Variants in TNKS observed in about 807,000 individuals in gnomAD.
TNKS encodes the protein tankyrase.
A neutral mutation model predicts 135.8 loss-of-function variants in TNKS; 72 were observed. That is an observed-to-expected ratio of 0.53 (90% CI 0.44 to 0.64). TNKS has a LOEUF of 0.64. Among genes scored for constraint, TNKS ranks in the 30% least tolerant of loss-of-function variants. The pLI is 0.00. For missense variants in TNKS, 1,769 were observed against 1,674.0 expected (o/e 1.06, Z -0.99); for synonymous variants, 849 against 649.3 (o/e 1.31, Z -4.68).
intron 3 of TNKS, among the ~76,000 whole-genome samples, chr8:9,660,568 G>C (rs1396882566): frequency 3.3e-5 from 5 of 152,248 alleles, no homozygotes; most frequent in South Asian, 2.1e-4. Flanking sequence ...ATTAAATTAG[G>C]TATTGATGGG....
chr8:9,591,715 C>T (rs573854027), intron 2 of TNKS, among the ~76,000 whole-genome samples: 3 of 152,144 alleles, frequency 2.0e-5, no homozygotes, highest in African/African-American at 7.2e-5. Flanking sequence ...CTTTGCTTTT[C>T]GTTTTCTTAA....
At chr8:9,763,311 A>G (rs1807249389) in intron 22 of TNKS, 67 bp downstream of exon 22, 1 of 1,109,604 alleles carries the variant, frequency 9.0e-7, no homozygotes, top group Non-Finnish European at 1.3e-6. Flanking sequence ...TTTTTCTGGA[A>G]TTAACCTCGT....
intron 17 of TNKS, among the ~76,000 whole-genome samples, chr8:9,742,607 C>G (rs1006693626): frequency 2.0e-5 from 3 of 151,500 alleles, no homozygotes; most frequent in Non-Finnish European, 4.4e-5. Context: ...TCTGCAATCT[C>G]AGCACGTTGG....
intron 2 of TNKS, among the ~76,000 whole-genome samples, chr8:9,603,998 AAAG>A (rs1472731455): frequency 6.6e-6 from 1 of 152,100 alleles, no homozygotes; most frequent in South Asian, 2.1e-4. Context: ...AGGATTCTAA[AAAG>A]AAATAAAAAG....
intron 11 of TNKS, among the ~76,000 whole-genome samples, chr8:9,711,535 G>A (rs1026613594): frequency 3.3e-5 from 5 of 152,174 alleles, no homozygotes; most frequent in Admixed American, 2.0e-4. Context: ...CTTTTATAGT[G>A]TAAAAAGGTG....
In TNKS at chr8:9,710,275, C is replaced by A. The variant is rs766043640; in HGVS notation, c.1749+55C>A. ...ACTCAGCACTGAGCAGCCAGCTGCT[C>A]TTAACACTGCTTCTCTCTCTCCGAT... On this transcript the variant is annotated intron_variant, in intron 11 of 26. Coordinates refer to ENST00000310430, the MANE Select transcript of TNKS (RefSeq NM_003747.3). 3.3e-6 allele frequency: 5 copies of A among 1,501,974 alleles called. No individual in the cohort carries two copies. In the South Asian group the frequency reaches 4.5e-5, roughly 14 times the overall value. 93.0% of individuals were successfully genotyped at this position (1,501,974 alleles called of 1,614,324 possible). A position where few individuals can be genotyped will look rare whatever the true frequency, so the allele number is the denominator to read the frequency against.
At chr8:9,571,439 C>A (rs1563390132) in intron 1 of TNKS, among the ~76,000 whole-genome samples, 1 of 152,082 alleles carries the variant, frequency 6.6e-6, no homozygotes, top group Non-Finnish European at 1.5e-5. Context: ...ATTTCTGGGG[C>A]AGAAAGTTAG....
rs201640485 is a variant in TNKS, at chr8:9,567,647, G to T, written c.673+11035G>T. ...TTAGCGAGGATGGTCTCGTTCTCCTGATCTTGTGATCTGCCCGCCTTGGCC... is the reference window on the plus strand; with the variant it reads ...TTAGCGAGGATGGTCTCGTTCTCCTTATCTTGTGATCTGCCCGCCTTGGCC... On this transcript the variant is annotated intron_variant, in intron 1 of 26. Coordinates refer to ENST00000310430, the MANE Select transcript of TNKS (RefSeq NM_003747.3). Among the ~76,000 whole-genome samples the T allele has an allele frequency of 4.6e-5, 7 of 152,320 alleles. No individual in the cohort carries two copies. In the East Asian group the frequency reaches 1.3e-3, roughly 29 times the overall value.
At chr8:9,761,385 C>G in intron 20 of TNKS, 131 bp from the exon 21 acceptor site, 1 of 911,930 alleles carries the variant, frequency 1.1e-6, no homozygotes, top group East Asian at 2.8e-5. Flanking sequence ...ATTGTAAGCT[C>G]ATGTTTATAA....
At chr8:9,704,866 C>T (rs1803977851) in intron 6 of TNKS, 109 bp downstream of exon 6, 7 of 735,062 alleles carry the variant, frequency 9.5e-6, no homozygotes, top group Non-Finnish European at 1.3e-5. Context: ...GCTTACATAA[C>T]GTTTTAAGAA....
At chr8:9,663,790 T>C (rs1801848699) in intron 3 of TNKS, among the ~76,000 whole-genome samples, 1 of 152,074 alleles carries the variant, frequency 6.6e-6, no homozygotes, top group Non-Finnish European at 1.5e-5. Flanking sequence ...GATGAGGAGG[T>C]ACATAGGGCA....
At chr8:9,604,305 T>C (rs10087749) in intron 2 of TNKS, among the ~76,000 whole-genome samples, 43,768 of 151,950 alleles carry the variant, frequency 0.29, 6,610 homozygotes, top group East Asian at 0.38. Context: ...GTATCTACTT[T>C]ACTCTTGCCA....
chr8:9,657,724 G>A (rs1268482640), intron 3 of TNKS, among the ~76,000 whole-genome samples: 22 of 120,294 alleles, frequency 1.8e-4, no homozygotes, highest in Admixed American at 5.4e-4. Context: ...CAGTAGGGGC[G>A]GCCGGGCAGA....
At position 9,765,749 on chromosome 8, in the gene TNKS, G is replaced by GTGTC. The variant is rs1312576809; in HGVS notation, c.3508_3511dup (p.Glu1171ValfsTer2). ...GCGGTTCTGCCACCGACAGAAGGAA[G>GTGTC]TGTCTGAGGAGAATCACAACCATCA... is the stretch of plus-strand genomic sequence containing the variant. On this transcript the variant is annotated frameshift_variant, in exon 24 of 27. Coordinates refer to ENST00000310430, the MANE Select transcript of TNKS (RefSeq NM_003747.3). LOFTEE classifies it high-confidence loss of function. The GTGTC allele has an allele frequency of 6.2e-7, 1 of 1,614,050 alleles. No homozygotes were observed. The highest frequency in any genetic ancestry group is 1.1e-5 in the South Asian group (1 of 91,082).
chr8:9,721,992 G>C (rs1167510725), intron 12 of TNKS, among the ~76,000 whole-genome samples: 2 of 151,490 alleles, frequency 1.3e-5, no homozygotes, highest in South Asian at 4.2e-4. Flanking sequence ...GACGGAGGTT[G>C]CAGTGAGCCA....
In TNKS at chr8:9,709,986, G is replaced by A. The variant is rs1378547614; in HGVS notation, c.1610G>A (p.Arg537His). The change falls in exon 10 of 27, where the codon CGT becomes CAT. Residue 537 changes from arginine to histidine, a missense_variant. Around this residue, in one of 5 missense-constraint regions of TNKS, gnomAD observed 523 missense variants for 541.0 expected, o/e 0.97. Transcript: ENST00000310430. Reference protein sequence around the residue: ...HCAVASLHPKRKQVTELLLRK... With the variant: ...HCAVASLHPKHKQVTELLLRK... ...GCTGTGGCCTCTCTGCATCCCAAAC[G>A]TAAACAAGTGACAGAATTGTTACTT... 4 of 1,613,672 alleles carry A rather than the reference G, an allele frequency of 2.5e-6. No homozygotes were observed. The highest frequency in any genetic ancestry group is 2.5e-6 in the Non-Finnish European group (3 of 1,179,986).
Position 9,730,752 on chromosome 8 carries a change from T to C in TNKS, c.2002-138T>C, listed in dbSNP as rs978638294. ...TAGTGCTGATTTCTAAACATTTGTA[T>C]TGTCTAATCTTTGGAAATAAATATT... On this transcript the variant is annotated intron_variant, in intron 13 of 26. Coordinates refer to ENST00000310430, the MANE Select transcript of TNKS (RefSeq NM_003747.3). 1.0e-5 allele frequency: 10 copies of C among 980,290 alleles called. No homozygotes were observed. In the Middle Eastern group the frequency reaches 7.0e-4, roughly 68 times the overall value. The allele number at this position is 980,290 out of a possible 1,614,324, so 60.7% of individuals were successfully genotyped here. A position where few individuals can be genotyped will look rare whatever the true frequency, so the allele number is the denominator to read the frequency against.
chr8:9,683,718 G>C (rs1416018701), intron 5 of TNKS, among the ~76,000 whole-genome samples: 1 of 151,740 alleles, frequency 6.6e-6, no homozygotes, highest in Non-Finnish European at 1.5e-5. Flanking sequence ...TATACAATGA[G>C]AGTGTAAATT....
At position 9,686,368 on chromosome 8, in the gene TNKS, G is replaced by A. The variant is rs75465360; in HGVS notation, c.1107+5568G>A. On this transcript the variant is annotated intron_variant, in intron 5 of 26. Coordinates refer to ENST00000310430, the MANE Select transcript of TNKS (RefSeq NM_003747.3). Reference sequence around the variant, plus strand: ...ACAATTTAACCCCATCTGAGTTCCCGATCCATCTTTAGGGTGACATCAGCC... The same window carrying A: ...ACAATTTAACCCCATCTGAGTTCCCAATCCATCTTTAGGGTGACATCAGCC... 1.9e-3 allele frequency among the ~76,000 whole-genome samples: 287 copies of A among 152,200 alleles called. 1 individual carries two copies. The highest frequency in any genetic ancestry group is 0.016 in the East Asian group (82 of 5,164).
Sources: gnomAD v4.1 joint callset for allele counts (sites outside exome capture counted in the v4.1 genomes callset) on GRCh38, gnomAD v4.1.1 for gene constraint, gnomAD v4.1.1 regional missense constraint, MANE v1.5 for transcripts, NCBI Gene and HGNC (gene_info 2026-07-23, HGNC 2026-07-21) for gene names.